Variants in CYP7B1 observed in about 807,000 individuals in gnomAD.
The protein encoded by CYP7B1 is cytochrome P450 7B1.
A neutral mutation model predicts 42.7 loss-of-function variants in CYP7B1; 29 were observed. The observed-to-expected ratio is 0.68, with a 90% CI of 0.51 to 0.93. The LOEUF (loss-of-function observed/expected upper bound fraction) is 0.93, where lower values mean the gene tolerates loss of function less well. Among genes scored for constraint, CYP7B1 ranks in the 40% least tolerant of loss-of-function variants. CYP7B1 has a pLI of 0.00. For missense variants in CYP7B1, 655 were observed against 600.5 expected, an observed-to-expected ratio of 1.09 and a Z score of -0.95; for synonymous variants, 235 against 218.2, an observed-to-expected ratio of 1.08 and a Z score of -0.68.
chr8:64,673,250 T>C (rs750209325), intron 1 of CYP7B1, among the ~76,000 whole-genome samples: 1 of 152,176 alleles, frequency 6.6e-6, no homozygotes, highest in Non-Finnish European at 1.5e-5. Flanking sequence ...ACTCCGTTTT[T>C]TTCTAATCCT....
At chr8:64,600,283 C>T (rs1805182198) in intron 5 of CYP7B1, among the ~76,000 whole-genome samples, 1 of 152,122 alleles carries the variant, frequency 6.6e-6, no homozygotes, top group Non-Finnish European at 1.5e-5. Flanking sequence ...GCATAACACC[C>T]TAATTTGTGT....
intron 1 of CYP7B1, among the ~76,000 whole-genome samples, chr8:64,791,340 A>G (rs996631035): frequency 6.6e-6 from 1 of 152,198 alleles, no homozygotes; most frequent in African/African-American, 2.4e-5. Flanking sequence ...CTTGAAGCCT[A>G]TGAATTTGGT....
intron 2 of CYP7B1, among the ~76,000 whole-genome samples, chr8:64,620,781 G>A (rs1038490915): frequency 6.6e-5 from 10 of 152,144 alleles, no homozygotes; most frequent in African/African-American, 1.9e-4. Flanking sequence ...GGGAGGTATC[G>A]TGCACATTTA....
At chr8:64,730,751 G>GCACACACACACACACACACACACACACA (rs61050207) in intron 1 of CYP7B1, among the ~76,000 whole-genome samples, 1 of 142,864 alleles carries the variant, frequency 7.0e-6, no homozygotes, top group African/African-American at 2.7e-5. Context: ...AGGACTGTCT[G>GCACACACACACACACACACACACACACA]CACACACACA....
chr8:64,798,540 C>A lies in CYP7B1; in HGVS notation c.48G>T (p.Arg16=). Residue 16 remains arginine, a synonymous_variant, in exon 1 of 6, where the codon CGG becomes CGT. Transcript: ENST00000310193. ...CGAGGGCCAGGCCCGGGAGGCCCAA[C>A]CGCTCCAGCGAAAAGCGGCCCGTGG... is the stretch of plus-strand genomic sequence containing the variant. ...SAATGRFSLE[R]LGLPGLALAA... is the part of the protein sequence containing the mutation. 6.7e-7 allele frequency: 1 copy of A among 1,497,860 alleles called. No homozygotes were observed. The highest frequency in any genetic ancestry group is 8.8e-7 in the Non-Finnish European group (1 of 1,132,488). 92.8% of individuals were successfully genotyped at this position (1,497,860 alleles called of 1,614,324 possible).
At chr8:64,667,899 T>C (rs2129631593) in intron 1 of CYP7B1, among the ~76,000 whole-genome samples, 1 of 152,296 alleles carries the variant, frequency 6.6e-6, no homozygotes, top group East Asian at 1.9e-4. Flanking sequence ...TTTTTGCAAA[T>C]TCACTTCATT....
intron 1 of CYP7B1, among the ~76,000 whole-genome samples, chr8:64,669,907 T>C (rs767777013): frequency 1.7e-4 from 26 of 152,240 alleles, no homozygotes; most frequent in Non-Finnish European, 2.8e-4. Flanking sequence ...ATTGAATTTA[T>C]GGTTTGCAAA....
chr8:64,724,436 C>T (rs1486579766), intron 1 of CYP7B1, among the ~76,000 whole-genome samples: 2 of 152,196 alleles, frequency 1.3e-5, no homozygotes, highest in Non-Finnish European at 2.9e-5. Context: ...TGTGAGCCAC[C>T]GCGCCCAGCC....
intron 1 of CYP7B1, among the ~76,000 whole-genome samples, chr8:64,700,869 C>T (rs959897321): frequency 6.6e-6 from 1 of 152,102 alleles, no homozygotes; most frequent in East Asian, 1.9e-4. Flanking sequence ...TTCTGAAGAA[C>T]TGAAGCCACC....
In CYP7B1 at chr8:64,593,232, G is replaced by GGGGTGTGTGTGT. The variant is rs1285868725; in HGVS notation, c.*3409_*3410insACACACACACCC. On this transcript the variant is annotated 3_prime_UTR_variant, in exon 6 of 6. Coordinates refer to ENST00000310193, the MANE Select transcript of CYP7B1 (RefSeq NM_004820.5). ...TGGTGGACTAAAGGCTAGGGCCCAG[G>GGGGTGTGTGTGT]GTGTGTGTGTGTGTGTGTGTGTGTG... Among the ~76,000 whole-genome samples the GGGGTGTGTGTGT allele has an allele frequency of 3.2e-5, 4 of 123,372 alleles. No homozygotes were observed. Among genetic ancestry groups the GGGGTGTGTGTGT allele is most frequent in the South Asian group, 2.8e-4 (1 of 3,582 alleles). The allele number at this position is 123,372 out of a possible 152,430, so 80.9% of individuals were successfully genotyped here.
At chr8:64,732,236 C>G (rs1464505137) in intron 1 of CYP7B1, among the ~76,000 whole-genome samples, 1 of 152,208 alleles carries the variant, frequency 6.6e-6, no homozygotes. Flanking sequence ...GGGAGCTGTA[C>G]CCTGCAAAGC....
intron 1 of CYP7B1, among the ~76,000 whole-genome samples, chr8:64,636,420 C>T (rs183830107): frequency 6.6e-6 from 1 of 152,154 alleles, no homozygotes; most frequent in Admixed American, 6.6e-5. Context: ...ATGACTCACA[C>T]AGTAAGCATC....
At chr8:64,753,747 A>T (rs1807765290) in intron 1 of CYP7B1, among the ~76,000 whole-genome samples, 1 of 152,236 alleles carries the variant, frequency 6.6e-6, no homozygotes, top group African/African-American at 2.4e-5. Context: ...ACAGGGTGAG[A>T]GGACTGCTTT....
chr8:64,711,322 C>T (rs962140114), intron 1 of CYP7B1, among the ~76,000 whole-genome samples: 1 of 152,160 alleles, frequency 6.6e-6, no homozygotes, highest in African/African-American at 2.4e-5. Flanking sequence ...GAAATGATTT[C>T]ACAGCTGCAT....
intron 4 of CYP7B1, among the ~76,000 whole-genome samples, chr8:64,612,797 C>T (rs1805381297): frequency 6.6e-6 from 1 of 152,000 alleles, no homozygotes; most frequent in Admixed American, 6.6e-5. Flanking sequence ...ATACATAGAA[C>T]TCTTTCCTTA....
chr8:64,675,152 A>G (rs1283493604), intron 1 of CYP7B1, among the ~76,000 whole-genome samples: 1 of 152,126 alleles, frequency 6.6e-6, no homozygotes, highest in Non-Finnish European at 1.5e-5. Flanking sequence ...AGTTACCTAC[A>G]TTCATTTCAA....
chr8:64,684,814 T>C (rs112835544), intron 1 of CYP7B1, among the ~76,000 whole-genome samples: 1 of 152,160 alleles, frequency 6.6e-6, no homozygotes, highest in East Asian at 1.9e-4. Context: ...ATATACAAAA[T>C]AGATACATGA....
intron 1 of CYP7B1, among the ~76,000 whole-genome samples, chr8:64,676,680 T>C (rs904780884): frequency 6.6e-6 from 1 of 152,256 alleles, no homozygotes; most frequent in South Asian, 2.1e-4. Context: ...ATTAATAATA[T>C]ATAAAATTCT....
intron 1 of CYP7B1, among the ~76,000 whole-genome samples, chr8:64,765,319 T>C (rs974113563): frequency 2.0e-5 from 3 of 152,298 alleles, no homozygotes; most frequent in East Asian, 3.9e-4. Flanking sequence ...GAAGTTCACA[T>C]TGGAAAAAAA....
Sources: gnomAD v4.1 joint callset for allele counts (sites outside exome capture counted in the v4.1 genomes callset) on GRCh38, gnomAD v4.1.1 for gene constraint, MANE v1.5 for transcripts, NCBI Gene and HGNC (gene_info 2026-07-23, HGNC 2026-07-21) for gene names.